The following FBXO38 variants were observed in gnomAD, a reference collection of about 807,000 sequenced individuals.
The protein encoded by FBXO38 is F-box only protein 38.
In FBXO38, 53 loss-of-function variants were observed where a neutral mutation model predicts 131.9. The observed-to-expected ratio is 0.40, with a 90% CI of 0.32 to 0.51. The LOEUF is 0.51. FBXO38 is among the 20% of genes least tolerant of loss of function. FBXO38 has a pLI of 0.53. For synonymous variants in FBXO38, 452 were observed against 505.6 expected (o/e 0.89, Z 1.42); for missense variants, 1,076 against 1,475.6 (o/e 0.73, Z 4.44).
rs878936743 is a variant in FBXO38 at position 148,410,843 on chromosome 5, G to A, written c.1093+78G>A. ...CAAACTGAAATCTGAATTGGGTTGT[G>A]CCATGTCTTTTTGAACATAAGACAA... On this transcript the variant is annotated intron_variant, in intron 9 of 21. Coordinates refer to ENST00000340253, the MANE Select transcript of FBXO38 (RefSeq NM_205836.3). 2.2e-6 allele frequency: 3 copies of A among 1,378,128 alleles called. No homozygotes were observed. In the South Asian group the frequency reaches 4.1e-5, roughly 19 times the overall value. 85.4% of individuals were successfully genotyped at this position (1,378,128 alleles called of 1,614,324 possible).
At position 148,416,127 on chromosome 5, in the gene FBXO38, G is replaced by A. The variant is rs1753038387; in HGVS notation, c.1407+57G>A. On this transcript the variant is annotated intron_variant, in intron 11 of 21. Coordinates refer to ENST00000340253, the MANE Select transcript of FBXO38 (RefSeq NM_205836.3). ...TTTGATAGGAAAGAAAATAAAAACA[G>A]CCTGTGATTTTTTTTTTTTTTTCTT... The A allele has an allele frequency of 3.5e-6, 5 of 1,433,228 alleles. No homozygotes were observed. In the Admixed American group the frequency reaches 7.6e-5, roughly 22 times the overall value. 88.8% of individuals were successfully genotyped at this position (1,433,228 alleles called of 1,614,324 possible).
intron 12 of FBXO38, among the ~76,000 whole-genome samples, chr5:148,418,328 A>G (rs1051513773): frequency 2.0e-5 from 3 of 152,124 alleles, no homozygotes; most frequent in African/African-American, 7.2e-5. Context: ...TGTCCATGAT[A>G]TCTTTCTCTA....
intron 1 of FBXO38, among the ~76,000 whole-genome samples, chr5:148,385,526 A>G (rs1023701304): frequency 1.3e-5 from 2 of 152,196 alleles, no homozygotes; most frequent in Non-Finnish European, 2.9e-5. Flanking sequence ...CAAGCCATCT[A>G]ACATCTCTAG....
At chr5:148,400,851 A>G (rs976856554) in intron 3 of FBXO38, among the ~76,000 whole-genome samples, 1 of 152,092 alleles carries the variant, frequency 6.6e-6, no homozygotes, top group African/African-American at 2.4e-5. Flanking sequence ...TTATGCTTGT[A>G]TATGGGGTGA....
intron 7 of FBXO38, among the ~76,000 whole-genome samples, chr5:148,407,255 G>T (rs1414264765): frequency 1.3e-5 from 2 of 152,142 alleles, no homozygotes; most frequent in Admixed American, 6.5e-5. Flanking sequence ...CGAAAAGAAG[G>T]CTACTGGTGT....
intron 1 of FBXO38, among the ~76,000 whole-genome samples, chr5:148,385,903 G>C (rs1271649423): frequency 2.0e-5 from 3 of 152,170 alleles, no homozygotes; most frequent in Admixed American, 1.3e-4. Flanking sequence ...CAAGTGAGAG[G>C]GGGTATTTTT....
intron 7 of FBXO38, among the ~76,000 whole-genome samples, chr5:148,408,316 T>C (rs994180954): frequency 2.0e-5 from 3 of 152,264 alleles, no homozygotes; most frequent in Non-Finnish European, 4.4e-5. Context: ...TTTGAAATAC[T>C]GTTTGGTAGT....
At chr5:148,393,382 C>CAA (rs538756479) in intron 1 of FBXO38, among the ~76,000 whole-genome samples, 1 of 151,352 alleles carries the variant, frequency 6.6e-6, no homozygotes, top group African/African-American at 2.4e-5. Context: ...ACTGCTGAGG[C>CAA]AAAAAAAACC....
intron 1 of FBXO38, among the ~76,000 whole-genome samples, chr5:148,393,266 A>C (rs2113499248): frequency 6.7e-6 from 1 of 148,248 alleles, no homozygotes; most frequent in African/African-American, 2.5e-5. Context: ...CAGCCTCAAG[A>C]AGTAAATAGC....
At chr5:148,426,953 G>C (rs1048753993) in intron 14 of FBXO38, among the ~76,000 whole-genome samples, 1 of 152,170 alleles carries the variant, frequency 6.6e-6, no homozygotes. Flanking sequence ...AATGTATATG[G>C]AGGGTACGAC....
intron 17 of FBXO38, chr5:148,434,523 G>A (rs1013645402): frequency 3.3e-5 from 5 of 152,046 alleles, no homozygotes; most frequent in South Asian, 2.1e-4. Context: ...TCTGTAAGCC[G>A]TGCATAATTT....
chr5:148,395,508 T>G (rs1170463620), intron 2 of FBXO38, among the ~76,000 whole-genome samples: 2 of 152,106 alleles, frequency 1.3e-5, no homozygotes, highest in African/African-American at 2.4e-5. Context: ...GTCATTCTAG[T>G]TTCCACTGCT....
At chr5:148,415,804 T>C in intron 10 of FBXO38, 124 bp from the exon 11 acceptor site, 1 of 990,966 alleles carries the variant, frequency 1.0e-6, no homozygotes, top group Non-Finnish European at 1.5e-6. Context: ...TTAGAAGTCA[T>C]GAAAAAAAGG....
At chr5:148,397,666 A>C (rs530206392) in intron 2 of FBXO38, 1 of 152,168 alleles carries the variant, frequency 6.6e-6, no homozygotes, top group Non-Finnish European at 1.5e-5. Context: ...GATCTGCTAA[A>C]TATTCAACAG....
chr5:148,405,469 C>T (rs1294644151), intron 6 of FBXO38, among the ~76,000 whole-genome samples: 1 of 152,140 alleles, frequency 6.6e-6, no homozygotes, highest in Non-Finnish European at 1.5e-5. Context: ...TTGGACACCG[C>T]TGCACTAGAG....
chr5:148,418,673 A>G (rs1270653351), intron 12 of FBXO38, among the ~76,000 whole-genome samples: 2 of 152,218 alleles, frequency 1.3e-5, no homozygotes, highest in African/African-American at 2.4e-5. Context: ...TGCACTTCAG[A>G]GGACATGGAC....
intron 12 of FBXO38, among the ~76,000 whole-genome samples, chr5:148,422,848 T>A (rs1287846132): frequency 6.6e-6 from 1 of 152,220 alleles, no homozygotes; most frequent in Non-Finnish European, 1.5e-5. Context: ...CAAACAATTC[T>A]AAGCTTTTTA....
At chr5:148,422,492 C>T (rs1753498645) in intron 12 of FBXO38, among the ~76,000 whole-genome samples, 1 of 152,162 alleles carries the variant, frequency 6.6e-6, no homozygotes, top group African/African-American at 2.4e-5. Context: ...CTTTTTGTTA[C>T]ATAAGGCATT....
At chr5:148,397,188 A>G (rs1185984072) in intron 2 of FBXO38, among the ~76,000 whole-genome samples, 2 of 152,138 alleles carry the variant, frequency 1.3e-5, no homozygotes. Flanking sequence ...ATAAAACAAG[A>G]AAAACTATGG....
Sources: gnomAD v4.1 joint callset for allele counts (sites outside exome capture counted in the v4.1 genomes callset) on GRCh38, gnomAD v4.1.1 for gene constraint, MANE v1.5 for transcripts, NCBI Gene and HGNC (gene_info 2026-07-23, HGNC 2026-07-21) for gene names.